Variants in TMEM182 observed in about 807,000 individuals in gnomAD.
The protein encoded by TMEM182 is transmembrane protein 182.
A neutral mutation model predicts 26.8 loss-of-function variants in TMEM182; 20 were observed. The observed-to-expected ratio is 0.75, with a 90% CI of 0.53 to 1.09. The LOEUF is 1.09. Ranked by LOEUF, TMEM182 falls within the 50% of genes least tolerant of loss-of-function variation. The pLI, the probability that TMEM182 is intolerant of heterozygous loss-of-function variation, is 0.00. For missense variants in TMEM182, 277 were observed against 275.5 expected, an observed-to-expected ratio of 1.01 and a Z score of -0.04; for synonymous variants, 109 against 102.2, an observed-to-expected ratio of 1.07 and a Z score of -0.40.
At chr2:102,757,802 A>G (rs1573495919), upstream of TMEM182, among the ~76,000 whole-genome samples, 1 of 152,306 alleles carries the variant, frequency 6.6e-6, no homozygotes, top group East Asian at 1.9e-4. Context: ...CTTAACAGGA[A>G]ACATGACTGG....
downstream of TMEM182, among the ~76,000 whole-genome samples, chr2:102,820,232 C>A: frequency 6.6e-6 from 1 of 152,204 alleles, no homozygotes; most frequent in Admixed American, 6.5e-5. Flanking sequence ...TGATTTTAAA[C>A]TTGCAATTTG....
downstream of TMEM182, among the ~76,000 whole-genome samples, chr2:102,818,595 C>T (rs923930936): frequency 7.2e-5 from 11 of 152,092 alleles, no homozygotes; most frequent in Non-Finnish European, 1.5e-4. Flanking sequence ...CCCGAGGAGA[C>T]CCACTCAGCT....
In TMEM182 at chr2:102,797,853, G is replaced by C; in HGVS notation, c.332-10G>C. 1.2e-6 allele frequency: 2 copies of C among 1,605,252 alleles called. No individual in the cohort carries two copies. Among genetic ancestry groups the C allele is most frequent in the Non-Finnish European group, 8.5e-7 (1 of 1,177,744 alleles). ...TTCTTTCTTTTCTCTTTTCCTCCTG[G>C]GGTCTCCAGTTTACCGTGGTTTCTG... On this transcript the variant is annotated splice_polypyrimidine_tract_variant and intron_variant, in intron 3 of 4. Transcript: ENST00000412401.
chr2:102,841,179 C>T (rs1683342140), intron 3 of TMEM182, among the ~76,000 whole-genome samples: 1 of 152,148 alleles, frequency 6.6e-6, no homozygotes, highest in Admixed American at 6.5e-5. Flanking sequence ...TCTGTGTCCT[C>T]TGCACGTGAC....
At chr2:102,830,189 C>T (rs1397346242) in intron 3 of TMEM182, among the ~76,000 whole-genome samples, 1 of 152,190 alleles carries the variant, frequency 6.6e-6, no homozygotes, top group Non-Finnish European at 1.5e-5. Flanking sequence ...GTGTCTAAAT[C>T]TTTACCTATT....
At chr2:102,834,616 A>G (rs562924567) in intron 3 of TMEM182, among the ~76,000 whole-genome samples, 3 of 152,222 alleles carry the variant, frequency 2.0e-5, no homozygotes, top group Non-Finnish European at 4.4e-5. Context: ...GGACTTGCCA[A>G]GGTCATATGG....
chr2:102,838,279 C>T (rs945975442), intron 3 of TMEM182, among the ~76,000 whole-genome samples: 3 of 152,194 alleles, frequency 2.0e-5, no homozygotes, highest in African/African-American at 2.4e-5. Context: ...ATTTTGGTTT[C>T]CCTAGCTTCA....
intron 3 of TMEM182, among the ~76,000 whole-genome samples, chr2:102,836,538 G>T (rs1329766483): frequency 6.6e-6 from 1 of 152,180 alleles, no homozygotes; most frequent in Non-Finnish European, 1.5e-5. Flanking sequence ...ATGCTATGAG[G>T]TGAGTGCTAT....
chr2:102,803,915 G>A (rs972637852), intron 4 of TMEM182, among the ~76,000 whole-genome samples: 12 of 150,806 alleles, frequency 8.0e-5, no homozygotes, highest in African/African-American at 2.9e-4. Context: ...CACACCTGCA[G>A]GCACATGCAG....
intron 3 of TMEM182, among the ~76,000 whole-genome samples, chr2:102,784,293 G>GA (rs1681294054): frequency 1.3e-5 from 2 of 151,220 alleles, no homozygotes; most frequent in Non-Finnish European, 2.9e-5. Flanking sequence ...TACCACTTAA[G>GA]AAAAAAGCAT....
chr2:102,769,722 A>C (rs1273949707), intron 3 of TMEM182, among the ~76,000 whole-genome samples: 2 of 152,204 alleles, frequency 1.3e-5, no homozygotes, highest in Non-Finnish European at 2.9e-5. Context: ...ATGAATAGTG[A>C]CTCAAAATAT....
At chr2:102,818,458 A>G (rs1682822558), downstream of TMEM182, among the ~76,000 whole-genome samples, 1 of 152,160 alleles carries the variant, frequency 6.6e-6, no homozygotes, top group Admixed American at 6.5e-5. Context: ...TACAGATTAG[A>G]CTTTCTGAAC....
intron 3 of TMEM182, among the ~76,000 whole-genome samples, chr2:102,770,764 A>G (rs1680639581): frequency 6.6e-6 from 1 of 152,216 alleles, no homozygotes; most frequent in Admixed American, 6.5e-5. Context: ...AACAGAGCAC[A>G]GCATGGCAGA....
In TMEM182 at chr2:102,815,409, A is replaced by G. The variant is rs1311909799; in HGVS notation, c.*441A>G. Reference sequence around the variant, plus strand: ...AGAGAATTTATTTTGTTTCTTGCCCACACAGATAATATCCACATACACATT... The same window carrying G: ...AGAGAATTTATTTTGTTTCTTGCCCGCACAGATAATATCCACATACACATT... On this transcript the variant is annotated 3_prime_UTR_variant, in exon 5 of 5. Transcript: ENST00000412401. 16 of 999,232 alleles carry G rather than the reference A, an allele frequency of 1.6e-5. No homozygotes were observed. The highest frequency in any genetic ancestry group is 1.8e-5 in the Non-Finnish European group (15 of 839,226). 61.9% of individuals were successfully genotyped at this position (999,232 alleles called of 1,614,324 possible).
chr2:102,781,007 C>T (rs1573526514), intron 3 of TMEM182, among the ~76,000 whole-genome samples: 1 of 152,310 alleles, frequency 6.6e-6, no homozygotes, highest in East Asian at 1.9e-4. Context: ...ACTCACCAGA[C>T]CCAGTGCTGT....
chr2:102,816,677 T>C lies in TMEM182; in HGVS notation c.*1709T>C. 1.0e-6 allele frequency: 1 copy of C among 985,798 alleles called. No individual in the cohort carries two copies. The highest frequency in any genetic ancestry group is 1.2e-6 in the Non-Finnish European group (1 of 829,912). 61.1% of individuals were successfully genotyped at this position (985,798 alleles called of 1,614,324 possible). A position where few individuals can be genotyped will look rare whatever the true frequency, so the allele number is the denominator to read the frequency against. ...TCATTTACTTCTTTGCTTTTGGCTT[T>C]GTTATTAGAAAAAATAATTATGAGG... On this transcript the variant is annotated 3_prime_UTR_variant, in exon 5 of 5. Coordinates refer to ENST00000412401, the MANE Select transcript of TMEM182 (RefSeq NM_144632.5).
chr2:102,817,571 A>G lies in TMEM182; in HGVS notation c.*2603A>G, dbSNP rs1336731836. The G allele has an allele frequency of 3.0e-6, 3 of 985,302 alleles. No homozygotes were observed. Among genetic ancestry groups the G allele is most frequent in the African/African-American group, 1.7e-5 (1 of 57,258 alleles). 61.0% of individuals were successfully genotyped at this position (985,302 alleles called of 1,614,324 possible). A position where few individuals can be genotyped will look rare whatever the true frequency, so the allele number is the denominator to read the frequency against. ...ATGGTAGGGCTTTCTAAAAAAAGTA[A>G]TATCAAGTGTGTTGTTAGTATTCAT... On this transcript the variant is annotated 3_prime_UTR_variant, in exon 5 of 5. Transcript: ENST00000412401.
At chr2:102,782,305 GAC>G (rs869093310) in intron 3 of TMEM182, among the ~76,000 whole-genome samples, 24 of 103,986 alleles carry the variant, frequency 2.3e-4, no homozygotes, top group African/African-American at 8.8e-4. Flanking sequence ...CAGCCTGGGT[GAC>G]AAGAGTAAAA....
intron 3 of TMEM182, among the ~76,000 whole-genome samples, chr2:102,794,901 G>C (rs968607038): frequency 2.0e-5 from 3 of 152,018 alleles, no homozygotes; most frequent in Non-Finnish European, 4.4e-5. Context: ...AATATCTACG[G>C]CCTCTGCTTT....
Sources: gnomAD v4.1 joint callset for allele counts (sites outside exome capture counted in the v4.1 genomes callset) on GRCh38, gnomAD v4.1.1 for gene constraint, MANE v1.5 for transcripts, NCBI Gene and HGNC (gene_info 2026-07-23, HGNC 2026-07-21) for gene names.